The following SPAG16 variants were observed in gnomAD, a reference collection of about 807,000 sequenced individuals.
The protein encoded by SPAG16 is sperm associated antigen 16.
In SPAG16, 86 loss-of-function variants were observed where a neutral mutation model predicts 80.4. That is an observed-to-expected ratio of 1.07 (90% CI 0.90 to 1.28). The LOEUF is 1.28. Ranked by LOEUF, SPAG16 falls within the 50% of genes most tolerant of loss-of-function variation. SPAG16 has a pLI of 0.00. For synonymous variants in SPAG16, 294 were observed against 265.9 expected, an observed-to-expected ratio of 1.11 and a Z score of -1.03; for missense variants, 870 against 765.3, an observed-to-expected ratio of 1.14 and a Z score of -1.61.
intron 15 of SPAG16, among the ~76,000 whole-genome samples, chr2:214,180,518 T>G (rs1438170620): frequency 6.6e-6 from 1 of 151,668 alleles, no homozygotes; most frequent in Non-Finnish European, 1.5e-5. Context: ...AGATAATAAT[T>G]TCCATCTTAT....
In SPAG16 at chr2:213,522,380, T is replaced by C. The variant is rs559813682; in HGVS notation, c.1070+32290T>C. On this transcript the variant is annotated intron_variant, in intron 10 of 15. Coordinates refer to ENST00000331683, the MANE Select transcript of SPAG16 (RefSeq NM_024532.5). ...CCTAACAAAAAATATTTGCTTGGGC[T>C]ACCTAATTTCTAGAGGCAATCCTGT... Among the ~76,000 whole-genome samples, 5 of 152,358 alleles carry C rather than the reference T, an allele frequency of 3.3e-5. No individual in the cohort carries two copies. In the South Asian group the frequency reaches 1.0e-3, roughly 32 times the overall value.
intron 9 of SPAG16, among the ~76,000 whole-genome samples, chr2:213,384,871 C>A (rs1306027374): frequency 6.6e-6 from 1 of 152,164 alleles, no homozygotes; most frequent in East Asian, 1.9e-4. Flanking sequence ...GACTATCTTC[C>A]TAGCGTTCTA....
At chr2:213,436,879 T>C (rs78645410) in intron 9 of SPAG16, among the ~76,000 whole-genome samples, 2,212 of 152,256 alleles carry the variant, frequency 0.015, 23 homozygotes, top group South Asian at 0.037. Context: ...ATTCTCAGTA[T>C]ATGACATGTA....
intron 10 of SPAG16, among the ~76,000 whole-genome samples, chr2:213,799,813 C>T (rs911373079): frequency 7.9e-5 from 12 of 151,530 alleles, no homozygotes; most frequent in Non-Finnish European, 1.5e-4. Context: ...ATATGGGTTC[C>T]GGGGTCAGAA....
At chr2:214,102,157 G>A (rs2053091863) in intron 13 of SPAG16, among the ~76,000 whole-genome samples, 2 of 141,042 alleles carry the variant, frequency 1.4e-5, no homozygotes, top group Non-Finnish European at 3.0e-5. Flanking sequence ...CTCCATGTAA[G>A]TGTGCTTACT....
intron 10 of SPAG16, among the ~76,000 whole-genome samples, chr2:213,566,653 C>A (rs1424477526): frequency 6.6e-6 from 1 of 152,130 alleles, no homozygotes; most frequent in East Asian, 1.9e-4. Context: ...GACTAAAAAT[C>A]AATTAGAATT....
chr2:214,045,637 A>C (rs552225225), intron 13 of SPAG16, among the ~76,000 whole-genome samples: 245 of 152,320 alleles, frequency 1.6e-3, no homozygotes, highest in African/African-American at 5.3e-3. Context: ...ATTAAGAAGA[A>C]AATTTAAAAT....
intron 13 of SPAG16, among the ~76,000 whole-genome samples, chr2:214,037,186 A>C (rs2048741442): frequency 6.6e-6 from 1 of 151,502 alleles, no homozygotes; most frequent in East Asian, 1.9e-4. Context: ...ACAGATTCTC[A>C]TATAAATAGA....
chr2:214,286,338 A>T (rs1693359449), intron 15 of SPAG16, among the ~76,000 whole-genome samples: 1 of 152,192 alleles, frequency 6.6e-6, no homozygotes, highest in Non-Finnish European at 1.5e-5. Flanking sequence ...CCACACACAC[A>T]CAAAGAATCT....
intron 15 of SPAG16, among the ~76,000 whole-genome samples, chr2:214,357,618 G>A (rs1296110731): frequency 6.6e-6 from 1 of 151,592 alleles, no homozygotes; most frequent in African/African-American, 2.4e-5. Flanking sequence ...TTCTGATATT[G>A]TCCTTTATTT....
intron 9 of SPAG16, among the ~76,000 whole-genome samples, chr2:213,446,939 T>C (rs2071356663): frequency 6.6e-6 from 1 of 152,194 alleles, no homozygotes; most frequent in South Asian, 2.1e-4. Flanking sequence ...GTCTCCGGCC[T>C]CTCCCTTTCT....
chr2:213,837,419 A>C (rs529875803), intron 10 of SPAG16, among the ~76,000 whole-genome samples: 10 of 152,208 alleles, frequency 6.6e-5, no homozygotes, highest in African/African-American at 2.2e-4. Flanking sequence ...AATTATGCCA[A>C]ATGGTCCTTG....
At chr2:213,522,711 C>G (rs925852983) in intron 10 of SPAG16, among the ~76,000 whole-genome samples, 5 of 151,526 alleles carry the variant, frequency 3.3e-5, no homozygotes, top group African/African-American at 1.2e-4. Flanking sequence ...TTTGTGTCTA[C>G]CACAAATATA....
At chr2:214,363,388 C>T (rs1370193018) in intron 15 of SPAG16, among the ~76,000 whole-genome samples, 1 of 151,950 alleles carries the variant, frequency 6.6e-6, no homozygotes, top group Non-Finnish European at 1.5e-5. Context: ...GCAATATTTT[C>T]TCTTAGTTTC....
At chr2:213,939,636 A>G (rs369334182) in intron 12 of SPAG16, among the ~76,000 whole-genome samples, 162 of 152,260 alleles carry the variant, frequency 1.1e-3, no homozygotes, top group African/African-American at 3.6e-3. Flanking sequence ...AAACCACCCA[A>G]TTAAGATCAT....
At chr2:213,387,713 C>G (rs2067522610) in intron 9 of SPAG16, among the ~76,000 whole-genome samples, 1 of 151,734 alleles carries the variant, frequency 6.6e-6, no homozygotes, top group Non-Finnish European at 1.5e-5. Context: ...CTCGGCCTCC[C>G]AAAGTGCTGG....
At chr2:214,213,818 T>C (rs150999070) in intron 15 of SPAG16, among the ~76,000 whole-genome samples, 5 of 152,290 alleles carry the variant, frequency 3.3e-5, no homozygotes, top group African/African-American at 1.2e-4. Flanking sequence ...AGGTCCTGGG[T>C]AGGTGAAGGT....
At chr2:213,620,228 G>C (rs1347421657) in intron 10 of SPAG16, among the ~76,000 whole-genome samples, 1 of 144,626 alleles carries the variant, frequency 6.9e-6, no homozygotes, top group Non-Finnish European at 1.5e-5. Flanking sequence ...GGAGGAATAA[G>C]TTCTAGTGTT....
chr2:213,991,008 T>G (rs1033346982), intron 12 of SPAG16, among the ~76,000 whole-genome samples: 2 of 152,108 alleles, frequency 1.3e-5, no homozygotes, highest in Non-Finnish European at 2.9e-5. Flanking sequence ...TTTTTTTTCT[T>G]TTTTTTATTA....
Sources: allele counts gnomAD v4.1 joint callset (sites outside exome capture counted in the v4.1 genomes callset), GRCh38; gene constraint gnomAD v4.1.1; transcripts MANE v1.5; gene names NCBI Gene and HGNC (gene_info 2026-07-23, HGNC 2026-07-21).